Variants in AP3B1 observed in about 807,000 individuals in gnomAD.
AP3B1 encodes the protein adaptor related protein complex 3 subunit beta 1.
A neutral mutation model predicts 132.5 loss-of-function variants in AP3B1; 61 were observed. That is an observed-to-expected ratio of 0.46 (90% CI 0.37 to 0.57). AP3B1 has a LOEUF of 0.57. AP3B1 is among the 20% of genes least tolerant of loss of function. The pLI is 0.00. For synonymous variants in AP3B1, 388 were observed against 438.3 expected (o/e 0.89, Z 1.43); for missense variants, 1,120 against 1,289.4 (o/e 0.87, Z 2.01).
chr5:78,175,517 TC>T, intron 11 of AP3B1, 108 bp downstream of exon 11: 1 of 764,972 alleles, frequency 1.3e-6, no homozygotes, highest in Non-Finnish European at 2.2e-6. Flanking sequence ...ATTAACTTTA[TC>T]AATGTGTTTT....
At chr5:78,180,551 G>T (rs117682063) in intron 8 of AP3B1, among the ~76,000 whole-genome samples, 1 of 151,998 alleles carries the variant, frequency 6.6e-6, no homozygotes, top group East Asian at 1.9e-4. Context: ...TTTAAAAGAT[G>T]CAATGCATTA....
At chr5:78,179,354 T>C (rs12153637) in intron 8 of AP3B1, among the ~76,000 whole-genome samples, 39,017 of 152,080 alleles carry the variant, frequency 0.26, 5,215 homozygotes, top group Admixed American at 0.37. Flanking sequence ...CTAGCTGCCA[T>C]TTGGCATGCC....
intron 1 of AP3B1, among the ~76,000 whole-genome samples, chr5:78,291,792 T>TG (rs1485984296): frequency 6.6e-6 from 1 of 152,000 alleles, no homozygotes; most frequent in East Asian, 1.9e-4. Context: ...AAAAAATGCT[T>TG]GGGAAAAAAA....
At chr5:78,126,918 G>A (rs954435935) in intron 17 of AP3B1, among the ~76,000 whole-genome samples, 1 of 152,096 alleles carries the variant, frequency 6.6e-6, no homozygotes, top group Non-Finnish European at 1.5e-5. Context: ...TGCAATGTGG[G>A]AATAACAATA....
At chr5:78,092,033 C>T (rs892479298) in intron 21 of AP3B1, among the ~76,000 whole-genome samples, 1 of 152,342 alleles carries the variant, frequency 6.6e-6, no homozygotes, top group East Asian at 1.9e-4. Flanking sequence ...ACTGCTTCTT[C>T]TAACTTGGAT....
Position 78,236,351 on chromosome 5 carries a change from T to TA in AP3B1, c.279+4510dup, listed in dbSNP as rs556063828. ...GTCATTTCTACCCATAACTAAAACA[T>TA]AAAAGAAAAAAAATATGCCAATACT... On this transcript the variant is annotated intron_variant, in intron 3 of 26. Transcript: ENST00000255194. Among the ~76,000 whole-genome samples the TA allele has an allele frequency of 2.9e-4, 37 of 128,676 alleles. No homozygotes were observed. In the South Asian group the frequency reaches 6.8e-3, roughly 24 times the overall value. 84.4% of individuals were successfully genotyped at this position (128,676 alleles called of 152,430 possible).
At chr5:78,053,697 A>G (rs112672453) in intron 22 of AP3B1, among the ~76,000 whole-genome samples, 19 of 142,736 alleles carry the variant, frequency 1.3e-4, no homozygotes, top group Admixed American at 2.9e-4. Context: ...AAAAAAAAAA[A>G]GAAAGAAAAG....
chr5:78,175,291 T>C (rs1435913475), intron 11 of AP3B1, among the ~76,000 whole-genome samples: 4 of 152,182 alleles, frequency 2.6e-5, no homozygotes, highest in African/African-American at 9.7e-5. Context: ...AAATCACCCA[T>C]CTTCTGTGTC....
intron 22 of AP3B1, among the ~76,000 whole-genome samples, chr5:78,053,697 A>AAG (rs1554060861): frequency 0.068 from 9,693 of 142,664 alleles, 1,163 homozygotes; most frequent in African/African-American, 0.24. Flanking sequence ...AAAAAAAAAA[A>AAG]GAAAGAAAAG....
chr5:78,244,119 A>T (rs376412710), intron 2 of AP3B1, among the ~76,000 whole-genome samples: 2 of 152,230 alleles, frequency 1.3e-5, no homozygotes, highest in South Asian at 2.1e-4. Flanking sequence ...GACATGAATT[A>T]AGAAGAACTA....
At position 78,267,579 on chromosome 5, in the gene AP3B1, GC is replaced by G; in HGVS notation, c.144del (p.Lys48AsnfsTer4). On this transcript the variant is annotated frameshift_variant, in exon 2 of 27. Coordinates refer to ENST00000255194, the MANE Select transcript of AP3B1 (RefSeq NM_003664.5). LOFTEE classifies it high-confidence loss of function. Reference sequence around the variant, plus strand: ...GAATCTTTGTTGCTCTCTAACATTTGCTTTAGATCTTCATTCCTATTACAAA... The same window carrying G: ...GAATCTTTGTTGCTCTCTAACATTTGTTTAGATCTTCATTCCTATTACAAA... ...SSDLKKNEDL[K>X]QMLESNKDSA... is the part of the protein sequence containing the mutation. 1 of 1,606,998 alleles carries G rather than the reference GC, an allele frequency of 6.2e-7. No homozygotes were observed. Among genetic ancestry groups the G allele is most frequent in the Non-Finnish European group, 8.5e-7 (1 of 1,175,062 alleles).
At chr5:78,229,394 A>G (rs1746535361) in intron 3 of AP3B1, among the ~76,000 whole-genome samples, 2 of 152,116 alleles carry the variant, frequency 1.3e-5, no homozygotes, top group Non-Finnish European at 2.9e-5. Context: ...ATATCTTCAC[A>G]TTCCTGATTA....
intron 22 of AP3B1, among the ~76,000 whole-genome samples, chr5:78,071,259 G>A (rs1749529749): frequency 1.3e-5 from 2 of 152,176 alleles, no homozygotes; most frequent in Admixed American, 1.3e-4. Context: ...TCCTTCACAG[G>A]GACATGGCTG....
chr5:78,142,554 C>T (rs770107357), intron 14 of AP3B1, among the ~76,000 whole-genome samples: 2 of 152,026 alleles, frequency 1.3e-5, no homozygotes, highest in Non-Finnish European at 2.9e-5. Flanking sequence ...GAATAAGGAC[C>T]TTTCCATAGC....
In AP3B1 at chr5:78,294,654, G is replaced by A; in HGVS notation, c.-75C>T. The A allele has an allele frequency of 6.2e-7, 1 of 1,606,586 alleles. No homozygotes were observed. Among genetic ancestry groups the A allele is most frequent in the Admixed American group, 1.7e-5 (1 of 60,004 alleles). On this transcript the variant is annotated 5_prime_UTR_variant, in exon 1 of 27. Coordinates refer to ENST00000255194, the MANE Select transcript of AP3B1 (RefSeq NM_003664.5). ...AAAAGGTTCCAGTCCAGAGGGCACG[G>A]AACAAAACTAGTTCTCGTACGGAGG...
intron 1 of AP3B1, among the ~76,000 whole-genome samples, chr5:78,281,356 C>G (rs530472748): frequency 1.3e-5 from 2 of 149,988 alleles, no homozygotes; most frequent in African/African-American, 4.9e-5. Flanking sequence ...ATCGCTTGAA[C>G]CTAGGAAGCA....
At chr5:78,113,044 T>C (rs1307633795) in intron 19 of AP3B1, among the ~76,000 whole-genome samples, 1 of 152,210 alleles carries the variant, frequency 6.6e-6, no homozygotes, top group Admixed American at 6.5e-5. Flanking sequence ...CTGTCTGTAA[T>C]AAAAGGAGCA....
intron 22 of AP3B1, among the ~76,000 whole-genome samples, chr5:78,071,228 A>G (rs1749528493): frequency 6.6e-6 from 1 of 152,252 alleles, no homozygotes; most frequent in African/African-American, 2.4e-5. Context: ...CTATGCAGCC[A>G]TAAAAAGGAA....
downstream of AP3B1, chr5:78,000,681 G>C (rs1220823754): frequency 6.6e-6 from 1 of 151,960 alleles, no homozygotes; most frequent in Non-Finnish European, 1.5e-5. Flanking sequence ...CTTCAAGATT[G>C]GTGTACATAA....
Sources: allele counts gnomAD v4.1 joint callset (sites outside exome capture counted in the v4.1 genomes callset), GRCh38; gene constraint gnomAD v4.1.1; transcripts MANE v1.5; gene names NCBI Gene and HGNC (gene_info 2026-07-23, HGNC 2026-07-21).